The following COL26A1 variants were observed in gnomAD, a reference collection of about 807,000 sequenced individuals.
The protein encoded by COL26A1 is collagen type XXVI alpha 1 chain, also known as collagen alpha-1(XXVI) chain.
In COL26A1, 41 loss-of-function variants were observed where a neutral mutation model predicts 59.3. The ratio of observed to expected loss-of-function variants is 0.69; its 90% CI spans 0.54 to 0.90. The LOEUF is 0.90. Among genes scored for constraint, COL26A1 ranks in the 40% least tolerant of loss-of-function variants. COL26A1 has a pLI of 0.00. For synonymous variants in COL26A1, 266 were observed against 256.0 expected (o/e 1.04, Z -0.37); for missense variants, 612 against 602.3 (o/e 1.02, Z -0.17).
intron 2 of COL26A1, among the ~76,000 whole-genome samples, chr7:101,430,880 A>C (rs1584401233): frequency 6.6e-6 from 1 of 150,508 alleles, no homozygotes; most frequent in Non-Finnish European, 1.5e-5. Context: ...CTGCAACCTC[A>C]CCTCCCGGGT....
At chr7:101,515,793 T>A (rs113833604) in intron 3 of COL26A1, among the ~76,000 whole-genome samples, 1,999 of 152,176 alleles carry the variant, frequency 0.013, 45 homozygotes, top group African/African-American at 0.044. Context: ...TTTGCTAGGT[T>A]GCCCAGGCTG....
intron 3 of COL26A1, among the ~76,000 whole-genome samples, chr7:101,506,315 A>G (rs1050206288): frequency 6.6e-6 from 1 of 152,262 alleles, no homozygotes; most frequent in African/African-American, 2.4e-5. Flanking sequence ...CAATAAACCA[A>G]CGCTGAAAAG....
chr7:101,439,511 G>A (rs913585132), intron 2 of COL26A1, among the ~76,000 whole-genome samples: 1 of 135,068 alleles, frequency 7.4e-6, no homozygotes, highest in African/African-American at 2.8e-5. Flanking sequence ...CCGAGATTGT[G>A]CCACTGCACT....
At chr7:101,531,571 A>C (rs1795368926) in intron 3 of COL26A1, among the ~76,000 whole-genome samples, 1 of 152,100 alleles carries the variant, frequency 6.6e-6, no homozygotes, top group Non-Finnish European at 1.5e-5. Context: ...CCAGGGGTAG[A>C]AGGGAGGGAA....
At chr7:101,388,923 T>C in intron 1 of COL26A1, 1 of 215,388 alleles carries the variant, frequency 4.6e-6, no homozygotes, top group Non-Finnish European at 9.4e-6. Context: ...GTACATTGCC[T>C]TTCTGGAACA....
intron 10 of COL26A1, among the ~76,000 whole-genome samples, chr7:101,552,848 A>G (rs898674026): frequency 2.0e-5 from 3 of 152,230 alleles, no homozygotes; most frequent in Non-Finnish European, 2.9e-5. Context: ...CAGAGATTGC[A>G]GTGAGCCGAG....
intron 3 of COL26A1, among the ~76,000 whole-genome samples, chr7:101,490,314 C>G (rs1227733532): frequency 6.6e-6 from 1 of 152,096 alleles, no homozygotes; most frequent in Admixed American, 6.5e-5. Flanking sequence ...TGAGCTCAAG[C>G]GATCCTACCA....
intron 3 of COL26A1, among the ~76,000 whole-genome samples, chr7:101,484,066 C>T (rs1584449294): frequency 6.8e-6 from 1 of 147,842 alleles, no homozygotes; most frequent in East Asian, 2.0e-4. Context: ...CCCAGGCTGG[C>T]CTTGAACTCC....
intron 1 of COL26A1, among the ~76,000 whole-genome samples, chr7:101,395,820 G>A (rs1427999490): frequency 5.3e-5 from 8 of 152,272 alleles, no homozygotes; most frequent in Middle Eastern, 3.4e-3. Flanking sequence ...AATTGCCTGC[G>A]ACCCGCTGAG....
At chr7:101,419,355 T>C (rs1184413632) in intron 1 of COL26A1, among the ~76,000 whole-genome samples, 1 of 151,938 alleles carries the variant, frequency 6.6e-6, no homozygotes, top group Non-Finnish European at 1.5e-5. Flanking sequence ...CAAGAGATCC[T>C]CCTGCCTCAG....
intron 1 of COL26A1, among the ~76,000 whole-genome samples, chr7:101,383,654 C>G (rs10251110): frequency 0.061 from 9,349 of 152,246 alleles, 663 homozygotes; most frequent in African/African-American, 0.16. Context: ...CCTGCCTCAG[C>G]CCCCCTAGTA....
chr7:101,448,793 G>A (rs914877669), intron 3 of COL26A1, among the ~76,000 whole-genome samples: 3 of 152,094 alleles, frequency 2.0e-5, no homozygotes, highest in Non-Finnish European at 1.5e-5. Flanking sequence ...CTCCCGGCTG[G>A]AGGGGTCAGT....
At chr7:101,389,764 G>A (rs937205242) in intron 1 of COL26A1, among the ~76,000 whole-genome samples, 2 of 152,068 alleles carry the variant, frequency 1.3e-5, no homozygotes, top group African/African-American at 4.8e-5. Context: ...TGTTGGGCAG[G>A]CTGGTCTCGA....
chr7:101,533,176 G>A (rs758159250), intron 4 of COL26A1, 33 bp downstream of exon 4: 4 of 1,534,866 alleles, frequency 2.6e-6, no homozygotes, highest in Non-Finnish European at 3.5e-6. Context: ...GGCCTGGGGA[G>A]CTGCCTGGGG....
intron 2 of COL26A1, among the ~76,000 whole-genome samples, 158 bp from the exon 3 acceptor site, chr7:101,447,526 G>T (rs1372925967): frequency 6.6e-6 from 1 of 152,244 alleles, no homozygotes; most frequent in African/African-American, 2.4e-5. Context: ...AAAGGCATTT[G>T]CACAGCCAGT....
At position 101,488,525 on chromosome 7, in the gene COL26A1, G is replaced by A. The variant is rs190447114; in HGVS notation, c.385+40738G>A. ...TGAGTAGCTGGGATTATAGGTGCCC[G>A]CCACCACGCCCGGCTATTTTTTGTA... On this transcript the variant is annotated intron_variant, in intron 3 of 12. Coordinates refer to ENST00000313669, the MANE Select transcript of COL26A1 (RefSeq NM_001278563.3). Among the ~76,000 whole-genome samples, 269 of 149,288 alleles carry A rather than the reference G, an allele frequency of 1.8e-3. 1 individual carries two copies. The highest frequency in any genetic ancestry group is 6.4e-3 in the African/African-American group (261 of 40,788).
chr7:101,538,395 GA>G (rs1451311015), intron 4 of COL26A1, among the ~76,000 whole-genome samples: 2 of 152,264 alleles, frequency 1.3e-5, no homozygotes, highest in Non-Finnish European at 2.9e-5. Context: ...TTTGGTGGAT[GA>G]GGCACCACTA....
chr7:101,489,757 T>G (rs529630148), intron 3 of COL26A1, among the ~76,000 whole-genome samples: 2 of 3,904 alleles, frequency 5.1e-4, no homozygotes, highest in Admixed American at 6.1e-3. Context: ...TTCTTGTCTC[T>G]CTTTCTTTCT....
intron 2 of COL26A1, among the ~76,000 whole-genome samples, chr7:101,441,607 C>T (rs1793059285): frequency 6.6e-6 from 1 of 152,182 alleles, no homozygotes; most frequent in Non-Finnish European, 1.5e-5. Context: ...CGTGAGCCAC[C>T]GTGCCCGGCC....
Sources: allele counts gnomAD v4.1 joint callset (sites outside exome capture counted in the v4.1 genomes callset), GRCh38; gene constraint gnomAD v4.1.1; transcripts MANE v1.5; gene names NCBI Gene and HGNC (gene_info 2026-07-23, HGNC 2026-07-21).